Variants in DENND1A observed in about 807,000 individuals in gnomAD.
The protein encoded by DENND1A is DENN domain containing 1A.
DENND1A carries 51 observed loss-of-function variants against 113.7 expected under a neutral mutation model. The ratio of observed to expected loss-of-function variants is 0.45; its 90% CI spans 0.36 to 0.57. The LOEUF (loss-of-function observed/expected upper bound fraction) is 0.57. Among genes scored for constraint, DENND1A ranks in the 20% least tolerant of loss-of-function variants. The pLI, the probability that DENND1A is intolerant of heterozygous loss-of-function variation, is 0.00. For missense variants in DENND1A, 1,258 were observed against 1,395.9 expected (o/e 0.90, Z 1.57); for synonymous variants, 565 against 570.8 (o/e 0.99, Z 0.14).
intron 21 of DENND1A, among the ~76,000 whole-genome samples, chr9:123,394,751 G>A (rs1029164873): frequency 5.9e-5 from 9 of 152,236 alleles, no homozygotes; most frequent in African/African-American, 1.9e-4. Context: ...GCTCTGCGGT[G>A]GAGGGAAGAT....
intron 11 of DENND1A, among the ~76,000 whole-genome samples, chr9:123,587,684 TG>T (rs1440479799): frequency 6.6e-6 from 1 of 152,142 alleles, no homozygotes; most frequent in Non-Finnish European, 1.5e-5. Flanking sequence ...GTTCTCTGCA[TG>T]GGGAAGCACA....
intron 5 of DENND1A, among the ~76,000 whole-genome samples, chr9:123,689,451 C>G (rs989209290): frequency 1.3e-5 from 2 of 152,088 alleles, no homozygotes; most frequent in African/African-American, 4.8e-5. Context: ...ATCATTTTTA[C>G]TATGTTTTTA....
rs544486279 is a variant in DENND1A, at chr9:123,537,332, A to T, written c.993+20238T>A. ...ACAATGCCTTAATAAAAACAAAAGAAAACCAGAAAACTTCAAAATTCAAAA... is the reference window on the plus strand; with the variant it reads ...ACAATGCCTTAATAAAAACAAAAGATAACCAGAAAACTTCAAAATTCAAAA... On this transcript the variant is annotated intron_variant, in intron 13 of 23. Transcript: ENST00000394215. 1.5e-4 allele frequency among the ~76,000 whole-genome samples: 23 copies of T among 152,116 alleles called. 1 individual carries two copies. The South Asian group carries it at 4.8e-3, about 31-fold the overall frequency.
At chr9:123,784,474 G>A (rs962015043) in intron 3 of DENND1A, among the ~76,000 whole-genome samples, 2 of 152,184 alleles carry the variant, frequency 1.3e-5, no homozygotes, top group Non-Finnish European at 2.9e-5. Flanking sequence ...AACAGGACTT[G>A]TAGGTGTGTC....
intron 1 of DENND1A, among the ~76,000 whole-genome samples, chr9:123,902,342 A>G (rs1851807297): frequency 6.6e-6 from 1 of 152,226 alleles, no homozygotes; most frequent in African/African-American, 2.4e-5. Context: ...GAATAATTCT[A>G]ACAGAATGCA....
intron 9 of DENND1A, among the ~76,000 whole-genome samples, chr9:123,637,832 A>C (rs922339363): frequency 6.6e-6 from 1 of 152,008 alleles, no homozygotes; most frequent in African/African-American, 2.4e-5. Flanking sequence ...TCGTTCTTCC[A>C]GTAGTTTCAT....
chr9:123,817,001 A>G (rs376110762), intron 2 of DENND1A, among the ~76,000 whole-genome samples: 41 of 152,310 alleles, frequency 2.7e-4, no homozygotes, highest in African/African-American at 8.9e-4. Context: ...CCTCAAGGCC[A>G]GAGGAAGCAG....
At chr9:123,911,851 C>T (rs934852620) in intron 1 of DENND1A, among the ~76,000 whole-genome samples, 5 of 151,948 alleles carry the variant, frequency 3.3e-5, no homozygotes, top group Admixed American at 1.3e-4. Context: ...CCACCATGCC[C>T]GGCTAATTTT....
intron 11 of DENND1A, among the ~76,000 whole-genome samples, chr9:123,606,087 G>A (rs569925487): frequency 5.9e-5 from 9 of 152,282 alleles, no homozygotes; most frequent in African/African-American, 1.2e-4. Context: ...GCAAGAAACC[G>A]CAGAAGGAGT....
intron 19 of DENND1A, 111 bp from the exon 20 acceptor site, chr9:123,411,940 C>A: frequency 1.5e-6 from 1 of 647,076 alleles, no homozygotes; most frequent in Non-Finnish European, 1.9e-6. Context: ...GCCAGAGGGC[C>A]AACCTCGACG....
At chr9:123,843,982 CA>C (rs1254862372) in intron 2 of DENND1A, among the ~76,000 whole-genome samples, 17 of 151,912 alleles carry the variant, frequency 1.1e-4, no homozygotes, top group Admixed American at 3.3e-4. Context: ...ACAATCATCT[CA>C]AAAGACACAG....
At chr9:123,440,322 A>T (rs1298356048) in intron 19 of DENND1A, 38 bp downstream of exon 19, 1 of 1,569,496 alleles carries the variant, frequency 6.4e-7, no homozygotes, top group East Asian at 2.3e-5. Flanking sequence ...AAATAAAAAA[A>T]AAACAAAACA....
chr9:123,859,540 T>C (rs1481533423), intron 2 of DENND1A, among the ~76,000 whole-genome samples: 2 of 152,044 alleles, frequency 1.3e-5, no homozygotes, highest in Non-Finnish European at 1.5e-5. Context: ...TCCAGTTTTC[T>C]GACTCCATGC....
rs139550508 is a variant in DENND1A, at chr9:123,562,690, T to C, written c.868-4995A>G. ...TATAAAAAAGCATATGTTACTTTTATAATAAAGAATTAAAATGAGGTATTT... is the reference window on the plus strand; with the variant it reads ...TATAAAAAAGCATATGTTACTTTTACAATAAAGAATTAAAATGAGGTATTT... On this transcript the variant is annotated intron_variant, in intron 12 of 23. Coordinates refer to ENST00000394215, the MANE Select transcript of DENND1A (RefSeq NM_001352964.2). Among the ~76,000 whole-genome samples the C allele has an allele frequency of 4.4e-3, 677 of 152,356 alleles. 4 individuals carry two copies. Among genetic ancestry groups the C allele is most frequent in the African/African-American group, 0.016 (654 of 41,574 alleles).
At chr9:123,580,841 G>A (rs1364693144) in intron 12 of DENND1A, among the ~76,000 whole-genome samples, 1 of 152,158 alleles carries the variant, frequency 6.6e-6, no homozygotes, top group Non-Finnish European at 1.5e-5. Flanking sequence ...ATTTTCCTAA[G>A]TTCTGTCATC....
At chr9:123,736,164 A>G (rs1009965240) in intron 5 of DENND1A, among the ~76,000 whole-genome samples, 1 of 152,236 alleles carries the variant, frequency 6.6e-6, no homozygotes, top group Admixed American at 6.5e-5. Context: ...GGCTAAAGGT[A>G]CAAATAAACA....
At chr9:123,402,592 C>G (rs184395895) in intron 21 of DENND1A, 1 of 534,672 alleles carries the variant, frequency 1.9e-6, no homozygotes, top group Non-Finnish European at 3.8e-6. Flanking sequence ...TAGACCAAGA[C>G]GAACTCATGC....
At chr9:123,647,115 T>C (rs2062380406) in intron 9 of DENND1A, among the ~76,000 whole-genome samples, 4 of 152,218 alleles carry the variant, frequency 2.6e-5, no homozygotes, top group African/African-American at 7.2e-5. Context: ...CTATCCCTGA[T>C]ACTCTAAAAT....
chr9:123,508,238 G>A (rs1248021606), intron 13 of DENND1A, among the ~76,000 whole-genome samples: 1 of 152,218 alleles, frequency 6.6e-6, no homozygotes, highest in Non-Finnish European at 1.5e-5. Flanking sequence ...TTTCGTTTTT[G>A]GTGATGACAA....
Sources: allele counts gnomAD v4.1 joint callset (sites outside exome capture counted in the v4.1 genomes callset), GRCh38; gene constraint gnomAD v4.1.1; transcripts MANE v1.5; gene names NCBI Gene and HGNC (gene_info 2026-07-23, HGNC 2026-07-21).